The following PRKAR1A variants were observed in gnomAD, a reference collection of about 807,000 sequenced individuals.
PRKAR1A encodes cAMP-dependent protein kinase type I-alpha regulatory subunit.
PRKAR1A carries 3 observed loss-of-function variants against 52.0 expected under a neutral mutation model. The observed-to-expected ratio is 0.06, with a 90% CI of 0.03 to 0.15. The LOEUF (loss-of-function observed/expected upper bound fraction) is 0.15. Among genes scored for constraint, PRKAR1A ranks in the 10% least tolerant of loss-of-function variants. The pLI, the probability that PRKAR1A is intolerant of heterozygous loss-of-function variation, is 1.00. For missense variants in PRKAR1A, 240 were observed against 477.4 expected (o/e 0.50, Z 4.63); for synonymous variants, 188 against 168.4 (o/e 1.12, Z -0.90).
At chr17:68,467,526 T>G in the PRKAR1A span, among the ~76,000 whole-genome samples, 2 of 152,220 alleles carry the variant, frequency 1.3e-5, no homozygotes, top group Non-Finnish European at 2.9e-5. Context: ...CTGCAAACCC[T>G]TGGGACATCT....
At chr17:68,536,754 A>C, downstream of PRKAR1A, 1 of 453,800 alleles carries the variant, frequency 2.2e-6, no homozygotes. Context: ...CCTTCGTTGT[A>C]ATTATTTATT....
the PRKAR1A span, chr17:68,428,607 T>A: frequency 2.0e-6 from 1 of 491,454 alleles, no homozygotes; most frequent in South Asian, 2.1e-5. Context: ...GAGACCATCT[T>A]GTGTGTTATT....
the PRKAR1A span, among the ~76,000 whole-genome samples, chr17:68,445,441 T>A: frequency 6.6e-6 from 1 of 150,544 alleles, no homozygotes; most frequent in Admixed American, 6.6e-5. Context: ...CTACTCAGAC[T>A]CTCCTCCAGG....
Position 68,531,909 on chromosome 17 carries a change from T to G in PRKAR1A, c.*1460T>G. 2 of 1,058,916 alleles carry G rather than the reference T, an allele frequency of 1.9e-6. No homozygotes were observed. The highest frequency in any genetic ancestry group is 2.3e-6 in the Non-Finnish European group (2 of 873,000). 65.6% of individuals were successfully genotyped at this position (1,058,916 alleles called of 1,614,324 possible). A position where few individuals can be genotyped will look rare whatever the true frequency, so the allele number is the denominator to read the frequency against. On this transcript the variant is annotated 3_prime_UTR_variant, in exon 11 of 11. Transcript: ENST00000589228. ...ATATAAGGTAATGTAGGGTTATATT[T>G]GGGAGTGACTGCAAGCATTTTTCCA...
intron 11 of PRKAR1A, among the ~76,000 whole-genome samples, chr17:68,545,520 C>G (rs2086507434): frequency 6.6e-6 from 1 of 152,188 alleles, no homozygotes; most frequent in Non-Finnish European, 1.5e-5. Context: ...CTAAAAAATG[C>G]TAACACTCTT....
the PRKAR1A span, among the ~76,000 whole-genome samples, chr17:68,502,615 G>C: frequency 6.6e-6 from 1 of 152,026 alleles, no homozygotes; most frequent in South Asian, 2.1e-4. Flanking sequence ...AGCCAAGGTT[G>C]GTGGTGGGCG....
intron 5 of PRKAR1A, among the ~76,000 whole-genome samples, chr17:68,524,506 A>T (rs567960022): frequency 6.6e-6 from 1 of 152,270 alleles, no homozygotes; most frequent in African/African-American, 2.4e-5. Flanking sequence ...ACTAACATGG[A>T]TCTAACTTTT....
chr17:68,515,197 A>G, intron 1 of PRKAR1A, 197 bp from the exon 2 acceptor site: 1 of 618,544 alleles, frequency 1.6e-6, no homozygotes. Context: ...ATCCTGAACT[A>G]AATGAAACAT....
chr17:68,434,519 C>A, the PRKAR1A span: 1 of 1,610,382 alleles, frequency 6.2e-7, no homozygotes, highest in Non-Finnish European at 8.5e-7. Flanking sequence ...GGGACTTCTG[C>A]GGGGACTTTA....
the PRKAR1A span, among the ~76,000 whole-genome samples, chr17:68,468,722 G>A: frequency 6.6e-6 from 1 of 152,146 alleles, no homozygotes; most frequent in Non-Finnish European, 1.5e-5. Flanking sequence ...TATCTAAAGA[G>A]GGTACAGATT....
chr17:68,474,756 G>A, the PRKAR1A span, among the ~76,000 whole-genome samples: 3 of 152,074 alleles, frequency 2.0e-5, no homozygotes, highest in African/African-American at 4.8e-5. Context: ...TTAGCTGGGC[G>A]TGGTGGCGGG....
the PRKAR1A span, among the ~76,000 whole-genome samples, chr17:68,450,507 C>T: frequency 1.9e-3 from 292 of 152,326 alleles, 3 homozygotes; most frequent in African/African-American, 6.3e-3. Context: ...CAGGGACCAA[C>T]GTTCTGGAAA....
rs148109898 is a variant in PRKAR1A at position 68,524,931 on chromosome 17, C to T, written c.522C>T (p.Phe174=). 7 of 1,609,718 alleles carry T rather than the reference C, an allele frequency of 4.3e-6. No homozygotes were observed. In the African/African-American group the frequency reaches 9.4e-5, roughly 22 times the overall value. ...VIQQGDEGDN[F]YVIDQGETDV... is the part of the protein sequence containing the mutation. ...TTTTAGGTGATGAAGGGGATAACTTCTATGTGATTGATCAAGGAGAGACGG... is the reference window on the plus strand; with the variant it reads ...TTTTAGGTGATGAAGGGGATAACTTTTATGTGATTGATCAAGGAGAGACGG... The change falls in exon 6 of 11, where the codon TTC becomes TTT. Residue 174 remains phenylalanine, a synonymous_variant. Coordinates refer to ENST00000589228, the MANE Select transcript of PRKAR1A (RefSeq NM_002734.5).
chr17:68,476,002 G>T, the PRKAR1A span, among the ~76,000 whole-genome samples: 1 of 152,016 alleles, frequency 6.6e-6, no homozygotes, highest in Non-Finnish European at 1.5e-5. Context: ...TTTTGTTGAT[G>T]CCTTCTGTGT....
chr17:68,540,978 C>T (rs901278436), intron 11 of PRKAR1A: 1 of 1,564,978 alleles, frequency 6.4e-7, no homozygotes, highest in Non-Finnish European at 8.7e-7. Context: ...AGAAGAAGTC[C>T]TGGGGCTGGA....
At chr17:68,445,906 G>T in the PRKAR1A span, among the ~76,000 whole-genome samples, 1 of 152,172 alleles carries the variant, frequency 6.6e-6, no homozygotes, top group Non-Finnish European at 1.5e-5. Flanking sequence ...CAAGCCCTGG[G>T]CTCTCCCCGG....
the PRKAR1A span, chr17:68,435,494 CAA>C: frequency 1.2e-5 from 11 of 935,288 alleles, no homozygotes; most frequent in African/African-American, 3.3e-5. Flanking sequence ...CCCTCTGAAA[CAA>C]ATTCTGAGTG....
At chr17:68,487,683 C>T in the PRKAR1A span, among the ~76,000 whole-genome samples, 406 of 151,898 alleles carry the variant, frequency 2.7e-3, 7 homozygotes, top group East Asian at 0.06. Context: ...CACCTGTAAT[C>T]CCAGCTATTC....
chr17:68,445,692 G>A, the PRKAR1A span, among the ~76,000 whole-genome samples: 3 of 152,246 alleles, frequency 2.0e-5, no homozygotes, highest in Non-Finnish European at 4.4e-5. Context: ...CAGGGTTGAT[G>A]TATCGGGTGT....
Sources: allele counts gnomAD v4.1 joint callset (sites outside exome capture counted in the v4.1 genomes callset), GRCh38; gene constraint gnomAD v4.1.1; transcripts MANE v1.5; gene names NCBI Gene and HGNC (gene_info 2026-07-23, HGNC 2026-07-21).